Variants in BMPR2 observed in about 807,000 individuals in gnomAD.
The protein encoded by BMPR2 is bone morphogenetic protein receptor type-2.
BMPR2 carries 29 observed loss-of-function variants against 100.8 expected under a neutral mutation model. The ratio of observed to expected loss-of-function variants is 0.29; its 90% CI spans 0.21 to 0.39. BMPR2 has a LOEUF of 0.39. BMPR2 is among the 10% of genes least tolerant of loss of function. BMPR2 has a pLI of 1.00. For synonymous variants in BMPR2, 382 were observed against 442.3 expected (o/e 0.86, Z 1.71); for missense variants, 1,011 against 1,274.5 (o/e 0.79, Z 3.15).
chr2:202,521,769 A>C (rs1687823295), intron 7 of BMPR2, among the ~76,000 whole-genome samples: 1 of 152,198 alleles, frequency 6.6e-6, no homozygotes, highest in Admixed American at 6.6e-5. Context: ...TATGCAACCA[A>C]GGGATTACAG....
chr2:202,407,732 G>A (rs2105914760), intron 1 of BMPR2, among the ~76,000 whole-genome samples: 1 of 151,730 alleles, frequency 6.6e-6, no homozygotes, highest in South Asian at 2.1e-4. Context: ...TCCAGCCTGG[G>A]CGACGGAGTT....
At chr2:202,512,725 C>T (rs754423514) in intron 3 of BMPR2, among the ~76,000 whole-genome samples, 1 of 152,052 alleles carries the variant, frequency 6.6e-6, no homozygotes, top group Non-Finnish European at 1.5e-5. Flanking sequence ...TTGTGATAGC[C>T]CTGTGATTTA....
At position 202,376,416 on chromosome 2, in the gene BMPR2, C is replaced by A. The variant is rs1690141215; in HGVS notation, c.-1059C>A. On this transcript the variant is annotated 5_prime_UTR_variant, in exon 1 of 13. Coordinates refer to ENST00000374580, the MANE Select transcript of BMPR2 (RefSeq NM_001204.7). ...TGTCTCGCCGCCTCCCTGCCCACCC[C>A]CTTCCCCGGCTACCTTCATCCGCCC... Among the ~76,000 whole-genome samples, 1 of 147,794 alleles carries A rather than the reference C, an allele frequency of 6.8e-6. No homozygotes were observed. Among genetic ancestry groups the A allele is most frequent in the African/African-American group, 2.5e-5 (1 of 40,236 alleles).
intron 3 of BMPR2, chr2:202,505,195 T>G (rs1687495457): frequency 6.5e-6 from 1 of 153,046 alleles, no homozygotes; most frequent in African/African-American, 2.4e-5. Flanking sequence ...CCCAAACAAT[T>G]TCTCACCTCA....
intron 1 of BMPR2, among the ~76,000 whole-genome samples, chr2:202,437,951 A>G (rs1691650242): frequency 6.7e-6 from 1 of 149,966 alleles, no homozygotes; most frequent in African/African-American, 2.5e-5. Flanking sequence ...TTTTTTGTGG[A>G]CATATGTTTT....
At chr2:202,557,239 G>A (rs1688591621) in intron 12 of BMPR2, among the ~76,000 whole-genome samples, 1 of 151,906 alleles carries the variant, frequency 6.6e-6, no homozygotes, top group African/African-American at 2.4e-5. Flanking sequence ...TGAGGCAGGT[G>A]GATCACGAGG....
At chr2:202,451,445 T>A (rs1359285433) in intron 1 of BMPR2, among the ~76,000 whole-genome samples, 1 of 152,178 alleles carries the variant, frequency 6.6e-6, no homozygotes, top group African/African-American at 2.4e-5. Flanking sequence ...ACGCCTGTAA[T>A]CCCAGCACTT....
chr2:202,461,980 A>G (rs1012297346), intron 1 of BMPR2, among the ~76,000 whole-genome samples: 5 of 152,030 alleles, frequency 3.3e-5, no homozygotes, highest in Admixed American at 6.6e-5. Context: ...TTTGTTACAT[A>G]TGTGTGTAGT....
chr2:202,402,762 G>T (rs1690791759), intron 1 of BMPR2, among the ~76,000 whole-genome samples: 1 of 151,188 alleles, frequency 6.6e-6, no homozygotes, highest in Non-Finnish European at 1.5e-5. Flanking sequence ...CGCCTCCTGG[G>T]TTCAAGCTAT....
At chr2:202,418,624 G>A (rs1363446740) in intron 1 of BMPR2, among the ~76,000 whole-genome samples, 1 of 152,150 alleles carries the variant, frequency 6.6e-6, no homozygotes, top group Non-Finnish European at 1.5e-5. Context: ...AGAAAGGGGG[G>A]ACTTCCAGGT....
chr2:202,382,000 A>G (rs1282721348), intron 1 of BMPR2, among the ~76,000 whole-genome samples: 1 of 151,096 alleles, frequency 6.6e-6, no homozygotes, highest in Non-Finnish European at 1.5e-5. Flanking sequence ...TGGCCACACC[A>G]CTTATTTTGG....
At chr2:202,518,688 A>T (rs1299681767) in intron 5 of BMPR2, 134 bp from the exon 6 acceptor site, 4 of 814,402 alleles carry the variant, frequency 4.9e-6, no homozygotes, top group Non-Finnish European at 8.3e-6. Context: ...AGAATTTATT[A>T]ATTTCTTGAT....
intron 1 of BMPR2, among the ~76,000 whole-genome samples, chr2:202,438,998 G>C (rs73052714): frequency 6.6e-6 from 1 of 150,438 alleles, no homozygotes; most frequent in Non-Finnish European, 1.5e-5. Context: ...ATTTCTACTC[G>C]AAAGGCAGCT....
chr2:202,455,311 G>A (rs1022154552), intron 1 of BMPR2, among the ~76,000 whole-genome samples: 1 of 152,122 alleles, frequency 6.6e-6, no homozygotes, highest in African/African-American at 2.4e-5. Flanking sequence ...ACTTTGGGAG[G>A]CCAAGTTAGG....
intron 1 of BMPR2, among the ~76,000 whole-genome samples, chr2:202,440,789 G>A (rs543091564): frequency 1.3e-5 from 2 of 150,334 alleles, no homozygotes; most frequent in African/African-American, 2.5e-5. Context: ...AGACCGGGGA[G>A]ACCGGGGAGA....
intron 3 of BMPR2, among the ~76,000 whole-genome samples, chr2:202,498,135 G>T (rs928157405): frequency 4.0e-4 from 61 of 152,048 alleles, no homozygotes; most frequent in African/African-American, 1.1e-3. Context: ...TTATAGGACA[G>T]GGGTAAAGTC....
Position 202,532,032 on chromosome 2 carries a change from C to T in BMPR2, c.1129-553C>T, listed in dbSNP as rs1014106537. Among the ~76,000 whole-genome samples, 20 of 147,110 alleles carry T rather than the reference C, an allele frequency of 1.4e-4. No individual in the cohort carries two copies. Among genetic ancestry groups the T allele is most frequent in the African/African-American group, 4.5e-4 (18 of 39,820 alleles). On this transcript the variant is annotated intron_variant, in intron 8 of 12. Coordinates refer to ENST00000374580, the MANE Select transcript of BMPR2 (RefSeq NM_001204.7). This position sits in a 1 kb window ranked among gnomAD's most constrained non-coding sequence, Gnocchi z 4.1. ...ATGGCTCACTGCAAGCTCCATCTCC[C>T]GGGTTCACGCTATTTTCCTGCCTCG...
intron 7 of BMPR2, among the ~76,000 whole-genome samples, chr2:202,530,573 GTTAGTT>G (rs1297099453): frequency 6.6e-6 from 1 of 152,050 alleles, no homozygotes; most frequent in African/African-American, 2.4e-5. Flanking sequence ...CAGCATGTTT[GTTAGTT>G]TTAGTTAATG....
At chr2:202,493,049 T>C (rs1343988715) in intron 3 of BMPR2, among the ~76,000 whole-genome samples, 1 of 152,218 alleles carries the variant, frequency 6.6e-6, no homozygotes, top group African/African-American at 2.4e-5. Context: ...GGATTCTGAA[T>C]TTAGAACTGT....
Sources: allele counts gnomAD v4.1 joint callset (sites outside exome capture counted in the v4.1 genomes callset), GRCh38; gene constraint gnomAD v4.1.1; non-coding constraint Gnocchi (gnomAD v3.1); transcripts MANE v1.5; gene names NCBI Gene and HGNC (gene_info 2026-07-23, HGNC 2026-07-21).